Variants in CNKSR3 observed in about 807,000 individuals in gnomAD.
CNKSR3 encodes CNKSR family member 3.
In CNKSR3, 36 loss-of-function variants were observed where a neutral mutation model predicts 67.7. The observed-to-expected ratio is 0.53, with a 90% confidence interval of 0.41 to 0.70. The LOEUF is 0.70. CNKSR3 is among the 30% of genes least tolerant of loss of function. CNKSR3 has a pLI of 0.00. For missense variants in CNKSR3, 630 were observed against 695.2 expected (o/e 0.91, Z 1.05); for synonymous variants, 281 against 271.4 (o/e 1.04, Z -0.35).
Position 154,396,117 on chromosome 6 carries a change from G to T in CNKSR3, c.*10237C>A, listed in dbSNP as rs1228550656. On this transcript the variant is annotated 3_prime_UTR_variant, in exon 13 of 13. Coordinates refer to ENST00000607772, the MANE Select transcript of CNKSR3 (RefSeq NM_173515.4). ...TTATACAACTGCAACTGTCCTCCACGTCGCCTCCATTTATAGAGCATTCTA... is the reference window on the plus strand; with the variant it reads ...TTATACAACTGCAACTGTCCTCCACTTCGCCTCCATTTATAGAGCATTCTA... 1 of 152,096 alleles carries T rather than the reference G, an allele frequency of 6.6e-6. No homozygotes were observed. Among genetic ancestry groups the T allele is most frequent in the African/African-American group, 2.4e-5 (1 of 41,408 alleles). 9.4% of individuals were successfully genotyped at this position (152,096 alleles called of 1,614,324 possible). A position where few individuals can be genotyped will look rare whatever the true frequency, so the allele number is the denominator to read the frequency against.
chr6:154,510,043 C>T lies in CNKSR3; in HGVS notation c.52+20G>A. ...ATCCCCGAGGCTGGAGGACTCCGGA[C>T]CCCCCCAAGGCCCGCGCACCTCTAG... On this transcript the variant is annotated intron_variant, in intron 1 of 12. Transcript: ENST00000607772. The T allele has an allele frequency of 6.2e-7, 1 of 1,612,724 alleles. No homozygotes were observed. Among genetic ancestry groups the T allele is most frequent in the Non-Finnish European group, 8.5e-7 (1 of 1,179,044 alleles).
At chr6:154,451,495 GCATACAT>G in intron 1 of CNKSR3, among the ~76,000 whole-genome samples, 1 of 18,176 alleles carries the variant, frequency 5.5e-5, no homozygotes, top group East Asian at 0.013. Context: ...ACGCACACAC[GCATACAT>G]GCACACACAC....
At chr6:154,506,727 C>T (rs7768635) in intron 1 of CNKSR3, among the ~76,000 whole-genome samples, 30,101 of 152,246 alleles carry the variant, frequency 0.2, 3,104 homozygotes, top group African/African-American at 0.23. Context: ...TAACCCTACA[C>T]GTTGTAAAAG....
intron 10 of CNKSR3, among the ~76,000 whole-genome samples, chr6:154,412,489 C>G (rs774393671): frequency 1.3e-5 from 2 of 152,142 alleles, no homozygotes; most frequent in Non-Finnish European, 2.9e-5. Context: ...AGGGAGGGTG[C>G]CTTCCTCCAG....
At chr6:154,428,000 C>T (rs1785288783) in intron 7 of CNKSR3, 128 bp downstream of exon 7, 1 of 653,182 alleles carries the variant, frequency 1.5e-6, no homozygotes, top group East Asian at 2.7e-5. Flanking sequence ...CAGAAATAAA[C>T]AAAGCAGGTA....
chr6:154,459,115 A>G (rs755314584), intron 1 of CNKSR3, among the ~76,000 whole-genome samples: 3 of 151,130 alleles, frequency 2.0e-5, no homozygotes, highest in Non-Finnish European at 2.9e-5. Context: ...GAAAGAAAGA[A>G]AGAGAAGAAA....
intron 10 of CNKSR3, among the ~76,000 whole-genome samples, chr6:154,412,533 A>G (rs1052832534): frequency 1.3e-5 from 2 of 152,170 alleles, no homozygotes; most frequent in African/African-American, 4.8e-5. Context: ...TTAGTAGTGG[A>G]ATGTCATGCT....
At chr6:154,437,410 CTTTTTTTTTTTTT>C (rs10665656) in intron 4 of CNKSR3, among the ~76,000 whole-genome samples, 6 of 102,144 alleles carry the variant, frequency 5.9e-5, no homozygotes, top group Non-Finnish European at 1.1e-4. Flanking sequence ...CACCTATGTT[CTTTTTTTTTTTTT>C]TTTTTTTTGA....
intron 9 of CNKSR3, among the ~76,000 whole-genome samples, chr6:154,419,425 G>A (rs1411810980): frequency 9.2e-5 from 14 of 152,134 alleles, no homozygotes; most frequent in Non-Finnish European, 1.9e-4. Flanking sequence ...TAATCATCAG[G>A]GAAATGCAAA....
rs979507692 is a variant in CNKSR3, at chr6:154,394,283, G to A, written c.*12071C>T. On this transcript the variant is annotated 3_prime_UTR_variant, in exon 13 of 13. Coordinates refer to ENST00000607772, the MANE Select transcript of CNKSR3 (RefSeq NM_173515.4). ...CCCAGCTCAATCTCCCAATTGTTGGGTTTCTGACTGTTAGCCACCACACAT... is the reference window on the plus strand; with the variant it reads ...CCCAGCTCAATCTCCCAATTGTTGGATTTCTGACTGTTAGCCACCACACAT... 1.3e-5 allele frequency: 2 copies of A among 152,194 alleles called. No homozygotes were observed. Among genetic ancestry groups the A allele is most frequent in the South Asian group, 4.2e-4 (2 of 4,816 alleles). 9.4% of individuals were successfully genotyped at this position (152,194 alleles called of 1,614,324 possible).
At chr6:154,500,917 G>C in intron 1 of CNKSR3, among the ~76,000 whole-genome samples, 1 of 152,176 alleles carries the variant, frequency 6.6e-6, no homozygotes, top group Non-Finnish European at 1.5e-5. Flanking sequence ...AGTAGGCTAA[G>C]TCCAATTTCA....
chr6:154,429,371 C>A (rs11155973), intron 6 of CNKSR3, among the ~76,000 whole-genome samples: 27,049 of 152,034 alleles, frequency 0.18, 3,320 homozygotes, highest in East Asian at 0.43. Context: ...TACTTTCACT[C>A]GCAGATTATA....
Position 154,404,003 on chromosome 6 carries a change from G to A in CNKSR3, c.*2351C>T, listed in dbSNP as rs1402067078. 6.6e-6 allele frequency: 1 copy of A among 152,100 alleles called. No individual in the cohort carries two copies. Among genetic ancestry groups the A allele is most frequent in the Non-Finnish European group, 1.5e-5 (1 of 68,054 alleles). The allele number at this position is 152,100 out of a possible 1,614,324, so 9.4% of individuals were successfully genotyped here. ...TGGGCATAAAGCCAGCTCAAGACAA[G>A]AGTAAAACAGGCAGGGCTGGCTCGC... On this transcript the variant is annotated 3_prime_UTR_variant, in exon 13 of 13. Transcript: ENST00000607772.
At chr6:154,441,241 G>GCAAAAAAAAA in intron 4 of CNKSR3, 51 bp downstream of exon 4, 1 of 770,370 alleles carries the variant, frequency 1.3e-6, no homozygotes, top group Non-Finnish European at 1.7e-6. Context: ...AAGAGGAAAA[G>GCAAAAAAAAA]CAAAAAAAAA....
At position 154,397,173 on chromosome 6, in the gene CNKSR3, G is replaced by A. The variant is rs574917779; in HGVS notation, c.*9181C>T. 2 of 152,210 alleles carry A rather than the reference G, an allele frequency of 1.3e-5. No homozygotes were observed. Among genetic ancestry groups the A allele is most frequent in the African/African-American group, 4.8e-5 (2 of 41,542 alleles). 9.4% of individuals were successfully genotyped at this position (152,210 alleles called of 1,614,324 possible). A position where few individuals can be genotyped will look rare whatever the true frequency, so the allele number is the denominator to read the frequency against. On this transcript the variant is annotated 3_prime_UTR_variant, in exon 13 of 13. Coordinates refer to ENST00000607772, the MANE Select transcript of CNKSR3 (RefSeq NM_173515.4). The stretch of plus-strand genomic sequence containing the variant: ...TACCCTGGCTTTGTATTTTATGTTG[G>A]CTAAAGAGAATGATTCAATAAGACT...
At chr6:154,420,323 T>C (rs1785114471) in intron 9 of CNKSR3, among the ~76,000 whole-genome samples, 1 of 151,416 alleles carries the variant, frequency 6.6e-6, no homozygotes, top group South Asian at 2.1e-4. Flanking sequence ...GGTCAAAGGG[T>C]ACAAAGTTTC....
At chr6:154,438,726 A>C (rs1785523988) in intron 4 of CNKSR3, among the ~76,000 whole-genome samples, 1 of 152,226 alleles carries the variant, frequency 6.6e-6, no homozygotes, top group Admixed American at 6.5e-5. Context: ...ATGCGGAAAC[A>C]AACAAAACTA....
chr6:154,443,228 C>T (rs868587396), intron 2 of CNKSR3, among the ~76,000 whole-genome samples: 1 of 152,200 alleles, frequency 6.6e-6, no homozygotes, highest in Non-Finnish European at 1.5e-5. Flanking sequence ...CAGGTGCTGG[C>T]CCAAATGTCC....
At chr6:154,498,568 C>G (rs1287167595) in intron 1 of CNKSR3, among the ~76,000 whole-genome samples, 1 of 152,228 alleles carries the variant, frequency 6.6e-6, no homozygotes. Flanking sequence ...ACTGCAACTT[C>G]TGACATTGCC....
Sources: gnomAD v4.1 joint callset for allele counts (sites outside exome capture counted in the v4.1 genomes callset) on GRCh38, gnomAD v4.1.1 for gene constraint, MANE v1.5 for transcripts, NCBI Gene and HGNC (gene_info 2026-07-23, HGNC 2026-07-21) for gene names.